CCDC7: variants seen among roughly 807,000 people sequenced by gnomAD.
The protein encoded by CCDC7 is coiled-coil domain-containing protein 7.
CCDC7 carries 183 observed loss-of-function variants against 196.9 expected under a neutral mutation model. The ratio of observed to expected loss-of-function variants is 0.93; its 90% CI spans 0.82 to 1.05. The LOEUF is 1.05. CCDC7 is among the 50% of genes least tolerant of loss of function. The pLI, the probability that CCDC7 is intolerant of heterozygous loss-of-function variation, is 0.00. For synonymous variants in CCDC7, 525 were observed against 484.6 expected, an observed-to-expected ratio of 1.08 and a Z score of -1.10; for missense variants, 1,540 against 1,482.2, an observed-to-expected ratio of 1.04 and a Z score of -0.64.
At position 32,525,163 on chromosome 10, in the gene CCDC7, G is replaced by A. The variant is rs1007206868; in HGVS notation, c.993+6658G>A. On this transcript the variant is annotated intron_variant, in intron 11 of 41. Coordinates refer to ENST00000639629, the Ensembl canonical transcript of CCDC7. ...TAATGTAAATGACGAGTTAATGGGTGCAGCAAATCAACATGGCACATGTGT... is the reference window on the plus strand; with the variant it reads ...TAATGTAAATGACGAGTTAATGGGTACAGCAAATCAACATGGCACATGTGT... 2.6e-5 allele frequency among the ~76,000 whole-genome samples: 4 copies of A among 151,362 alleles called. No homozygotes were observed. In the East Asian group the frequency reaches 7.7e-4, roughly 29 times the overall value.
At chr10:32,708,990 T>A (rs935600997) in intron 24 of CCDC7, among the ~76,000 whole-genome samples, 4 of 152,200 alleles carry the variant, frequency 2.6e-5, no homozygotes, top group Non-Finnish European at 5.9e-5. Flanking sequence ...CAAAGGATTA[T>A]AAATCATGCT....
chr10:32,544,121 A>T, intron 12 of CCDC7, 126 bp from the exon 14 acceptor site: 1 of 726,812 alleles, frequency 1.4e-6, no homozygotes, highest in Non-Finnish European at 2.1e-6. Context: ...TATGTCTCTT[A>T]GAAATATGAA....
chr10:32,684,103 G>A (rs1176369247), intron 21 of CCDC7, among the ~76,000 whole-genome samples: 4 of 152,168 alleles, frequency 2.6e-5, no homozygotes, highest in African/African-American at 9.7e-5. Context: ...GGGGTGGGGT[G>A]AGGTGGGTTG....
chr10:32,740,699 T>C (rs1174908255), intron 28 of CCDC7, among the ~76,000 whole-genome samples: 1 of 152,240 alleles, frequency 6.6e-6, no homozygotes, highest in Non-Finnish European at 1.5e-5. Flanking sequence ...TTTTAATATG[T>C]ACTGAAAAGA....
chr10:32,596,916 C>T (rs952500323), intron 18 of CCDC7, among the ~76,000 whole-genome samples: 1 of 152,124 alleles, frequency 6.6e-6, no homozygotes, highest in African/African-American at 2.4e-5. Context: ...GATGGGCTTC[C>T]CTTTGTGGGT....
chr10:32,456,331 A>G (rs1417801579), exon 3 of CCDC7: 1 of 1,570,858 alleles, frequency 6.4e-7, no homozygotes, highest in East Asian at 2.3e-5. Flanking sequence ...AAGAAGAACA[A>G]AATGTATGTA....
chr10:32,716,835 C>T (rs966368253), intron 25 of CCDC7, among the ~76,000 whole-genome samples: 3 of 152,172 alleles, frequency 2.0e-5, no homozygotes, highest in Admixed American at 2.0e-4. Flanking sequence ...ATCAATGCAA[C>T]AAGAAGAGCT....
At chr10:32,463,621 A>G (rs1220306535) in intron 5 of CCDC7, among the ~76,000 whole-genome samples, 3 of 152,146 alleles carry the variant, frequency 2.0e-5, no homozygotes, top group Non-Finnish European at 4.4e-5. Flanking sequence ...TTACTGATTT[A>G]CAGTATTATT....
chr10:32,498,153 T>A (rs2043206508), intron 9 of CCDC7, among the ~76,000 whole-genome samples: 1 of 152,156 alleles, frequency 6.6e-6, no homozygotes, highest in African/African-American at 2.4e-5. Context: ...TGTAATGCCC[T>A]TTTCTCTTTT....
rs2059021092 is a variant in CCDC7, at chr10:32,584,314, C to T, written c.1801+10C>T. 3 of 1,564,388 alleles carry T rather than the reference C, an allele frequency of 1.9e-6. No homozygotes were observed. The highest frequency in any genetic ancestry group is 1.1e-5 in the South Asian group (1 of 87,112). On this transcript the variant is annotated intron_variant, in intron 18 of 41. Coordinates refer to ENST00000639629, the Ensembl canonical transcript of CCDC7. ...GCAGAAAAATCTCAAGGTAAAAAGA[C>T]TCTGTTTTGGAAGATGAAAATGTGA...
At chr10:32,769,549 G>T (rs1400542881) in intron 28 of CCDC7, among the ~76,000 whole-genome samples, 1 of 152,044 alleles carries the variant, frequency 6.6e-6, no homozygotes, top group Non-Finnish European at 1.5e-5. Flanking sequence ...TGTTACGTAG[G>T]TATACATGTG....
chr10:32,666,774 A>G (rs2140531850), intron 21 of CCDC7, among the ~76,000 whole-genome samples: 1 of 152,132 alleles, frequency 6.6e-6, no homozygotes. Flanking sequence ...TCAGTCTATC[A>G]TTGTTGGACA....
intron 32 of CCDC7, among the ~76,000 whole-genome samples, chr10:32,832,978 G>C (rs2092327561): frequency 6.6e-6 from 1 of 152,046 alleles, no homozygotes; most frequent in Non-Finnish European, 1.5e-5. Flanking sequence ...AATGACAATA[G>C]ATGGTAACTC....
At chr10:32,624,018 G>A (rs994767708) in intron 18 of CCDC7, among the ~76,000 whole-genome samples, 7 of 152,120 alleles carry the variant, frequency 4.6e-5, no homozygotes, top group East Asian at 1.9e-4. Context: ...GAGATGTGGC[G>A]GGGACCAGTA....
chr10:32,791,239 A>G (rs558427201), intron 29 of CCDC7, among the ~76,000 whole-genome samples: 7 of 148,164 alleles, frequency 4.7e-5, no homozygotes, highest in African/African-American at 1.5e-4. Flanking sequence ...TCTGCAAGTG[A>G]GTCTTTTTCA....
At chr10:32,588,220 T>G (rs1208260036) in intron 18 of CCDC7, among the ~76,000 whole-genome samples, 1 of 152,218 alleles carries the variant, frequency 6.6e-6, no homozygotes, top group Admixed American at 6.5e-5. Flanking sequence ...CTTTACAAAT[T>G]ACCAAGTCTC....
chr10:32,604,838 A>G (rs2061410529), intron 18 of CCDC7, among the ~76,000 whole-genome samples: 1 of 151,798 alleles, frequency 6.6e-6, no homozygotes, highest in Non-Finnish European at 1.5e-5. Context: ...ATCTTTAGGT[A>G]TTTCTGTATA....
intron 21 of CCDC7, among the ~76,000 whole-genome samples, chr10:32,680,072 C>G (rs529560685): frequency 3.3e-5 from 5 of 152,310 alleles, no homozygotes; most frequent in African/African-American, 1.2e-4. Context: ...ATCCAAGGCC[C>G]TACACTTAGA....
At chr10:32,474,268 G>GGCTGGAGT (rs1324529056) in intron 8 of CCDC7, among the ~76,000 whole-genome samples, 9 of 127,116 alleles carry the variant, frequency 7.1e-5, no homozygotes, top group African/African-American at 2.6e-4. Flanking sequence ...CTGTTGCCCA[G>GGCTGGAGT]GCTGGAGTGC....
Sources: allele counts gnomAD v4.1 joint callset (sites outside exome capture counted in the v4.1 genomes callset), GRCh38; gene constraint gnomAD v4.1.1; transcripts MANE v1.5; gene names NCBI Gene and HGNC (gene_info 2026-07-23, HGNC 2026-07-21).